RYR3: variants seen among roughly 807,000 people sequenced by gnomAD.
The protein encoded by RYR3 is brain ryanodine receptor-calcium release channel.
Under a neutral mutation model 584.3 loss-of-function variants are expected in RYR3, and 207 were observed. The ratio of observed to expected loss-of-function variants is 0.35; its 90% CI spans 0.32 to 0.40. RYR3 has a LOEUF of 0.40. Ranked by LOEUF, RYR3 falls within the 10% of genes least tolerant of loss-of-function variation. The pLI is 1.00. For synonymous variants in RYR3, 2,416 were observed against 2,248.5 expected, an observed-to-expected ratio of 1.07 and a Z score of -2.11; for missense variants, 5,616 against 6,089.2, an observed-to-expected ratio of 0.92 and a Z score of 2.59.
chr15:33,737,912 T>C (rs2152831564), intron 49 of RYR3, among the ~76,000 whole-genome samples: 1 of 152,168 alleles, frequency 6.6e-6, no homozygotes, highest in African/African-American at 2.4e-5. Context: ...GAAACTGCTG[T>C]AAAGTCACTG....
chr15:33,544,293 A>G (rs2056064804), intron 8 of RYR3, among the ~76,000 whole-genome samples: 2 of 152,160 alleles, frequency 1.3e-5, no homozygotes, highest in Admixed American at 6.5e-5. Context: ...TCTATCATCA[A>G]AGGAACAGAA....
intron 32 of RYR3, 125 bp downstream of exon 32, chr15:33,653,008 T>C: frequency 1.1e-6 from 1 of 909,352 alleles, no homozygotes; most frequent in African/African-American, 1.7e-5. Flanking sequence ...ATGTGGGCCA[T>C]GGGCCACTTA....
chr15:33,824,928 A>G (rs545722673), intron 81 of RYR3, among the ~76,000 whole-genome samples: 8 of 152,192 alleles, frequency 5.3e-5, no homozygotes, highest in South Asian at 4.1e-4. Context: ...TGGTTGCACT[A>G]TGGCTTCCTG....
At chr15:33,620,146 G>A (rs2060645854) in intron 19 of RYR3, among the ~76,000 whole-genome samples, 1 of 151,996 alleles carries the variant, frequency 6.6e-6, no homozygotes, top group African/African-American at 2.4e-5. Flanking sequence ...CCCTTAAATA[G>A]CCTTCTAGGG....
At chr15:33,827,153 C>G (rs1349547978) in intron 84 of RYR3, 46 bp from the exon 85 acceptor site, 2 of 1,494,262 alleles carry the variant, frequency 1.3e-6, no homozygotes, top group East Asian at 2.5e-5. Context: ...GCTTGGCCCC[C>G]TCGGCATGGC....
chr15:33,469,935 G>A (rs1567307981), intron 1 of RYR3, among the ~76,000 whole-genome samples: 1 of 152,162 alleles, frequency 6.6e-6, no homozygotes, highest in African/African-American at 2.4e-5. Context: ...CGGGAATGGA[G>A]GGGTTTCAAG....
intron 16 of RYR3, among the ~76,000 whole-genome samples, chr15:33,592,905 G>A (rs10468060): frequency 0.34 from 51,977 of 152,042 alleles, 9,673 homozygotes; most frequent in African/African-American, 0.49. Context: ...AAGGTGGTCC[G>A]GGCACAGCTT....
intron 1 of RYR3, among the ~76,000 whole-genome samples, chr15:33,341,603 C>G (rs1971829318): frequency 6.6e-6 from 1 of 152,134 alleles, no homozygotes; most frequent in Admixed American, 6.5e-5. Context: ...ATTGTACCAT[C>G]TACCATCTAG....
At chr15:33,592,114 A>G (rs922327688) in intron 16 of RYR3, among the ~76,000 whole-genome samples, 5 of 152,222 alleles carry the variant, frequency 3.3e-5, no homozygotes, top group Non-Finnish European at 7.3e-5. Flanking sequence ...CAAATGGGCC[A>G]TTGATTAGGG....
chr15:33,819,669 G>T (rs922523273), intron 76 of RYR3, 87 bp from the exon 77 acceptor site: 2 of 614,832 alleles, frequency 3.3e-6, no homozygotes, highest in African/African-American at 2.3e-5. Context: ...AGAAAACTCT[G>T]TCTCAAAAAT....
At chr15:33,860,734 G>C (rs901983010) in intron 101 of RYR3, 75 bp downstream of exon 101, 2 of 1,134,870 alleles carry the variant, frequency 1.8e-6, no homozygotes, top group Non-Finnish European at 2.6e-6. Context: ...TAAACAATAG[G>C]TTTTACTATT....
intron 1 of RYR3, among the ~76,000 whole-genome samples, chr15:33,415,789 T>C (rs1319489313): frequency 6.6e-6 from 1 of 152,216 alleles, no homozygotes; most frequent in Non-Finnish European, 1.5e-5. Flanking sequence ...GATTTGGGTC[T>C]CGAATGACCC....
chr15:33,634,132 A>T (rs1370103646), intron 24 of RYR3, among the ~76,000 whole-genome samples: 2 of 152,228 alleles, frequency 1.3e-5, no homozygotes, highest in African/African-American at 2.4e-5. Flanking sequence ...GCTCACTGCA[A>T]CCTTCATCTC....
intron 42 of RYR3, among the ~76,000 whole-genome samples, chr15:33,705,056 A>G (rs6495218): frequency 0.1 from 15,674 of 151,340 alleles, 2,073 homozygotes; most frequent in African/African-American, 0.31. Context: ...CCCTACCCCA[A>G]CACATACACA....
intron 12 of RYR3, among the ~76,000 whole-genome samples, chr15:33,568,593 G>A (rs1352079870): frequency 2.0e-5 from 3 of 152,010 alleles, no homozygotes; most frequent in Non-Finnish European, 4.4e-5. Context: ...ATTAGACCTG[G>A]CTAATTTTTT....
chr15:33,638,247 A>G (rs771251231), intron 27 of RYR3, among the ~76,000 whole-genome samples: 17 of 152,182 alleles, frequency 1.1e-4, no homozygotes, highest in Non-Finnish European at 2.1e-4. Context: ...GGCAAAGGAG[A>G]GGATTTCTGT....
At chr15:33,640,693 G>A (rs1224536565) in intron 27 of RYR3, among the ~76,000 whole-genome samples, 1 of 152,060 alleles carries the variant, frequency 6.6e-6, no homozygotes. Context: ...CAGAACTGGG[G>A]GTCCTGTACA....
chr15:33,800,906 G>T (rs1457736162), intron 68 of RYR3, 49 bp downstream of exon 68: 1 of 1,317,058 alleles, frequency 7.6e-7, no homozygotes, highest in South Asian at 1.2e-5. Flanking sequence ...GAAAGCTGCA[G>T]ACCGTGGAAA....
chr15:33,822,271 G>A (rs1042233803), intron 80 of RYR3, among the ~76,000 whole-genome samples: 9 of 152,154 alleles, frequency 5.9e-5, no homozygotes, highest in Non-Finnish European at 7.3e-5. Flanking sequence ...CAGGCACTCC[G>A]GGTTCTGGTT....
Sources: gnomAD v4.1 joint callset for allele counts (sites outside exome capture counted in the v4.1 genomes callset) on GRCh38, gnomAD v4.1.1 for gene constraint, MANE v1.5 for transcripts, NCBI Gene and HGNC (gene_info 2026-07-23, HGNC 2026-07-21) for gene names.